NSD2: variants seen among roughly 807,000 people sequenced by gnomAD.
The protein encoded by NSD2 is histone-lysine N-methyltransferase NSD2.
Under a neutral mutation model 139.0 loss-of-function variants are expected in NSD2, and 12 were observed. The observed-to-expected ratio is 0.09, with a 90% CI of 0.06 to 0.14. NSD2 has a LOEUF of 0.14. NSD2 is among the 10% of genes least tolerant of loss of function. NSD2 has a pLI of 1.00. For missense variants in NSD2, 1,155 were observed against 1,745.0 expected (o/e 0.66, Z 6.02); for synonymous variants, 669 against 648.7 (o/e 1.03, Z -0.48).
At chr4:1,894,142 A>G (rs1470094575) in intron 1 of NSD2, among the ~76,000 whole-genome samples, 1 of 151,912 alleles carries the variant, frequency 6.6e-6, no homozygotes, top group Non-Finnish European at 1.5e-5. Context: ...TTTTTTGTAG[A>G]GACGGCGTCT....
In NSD2 at chr4:1,974,526, G is replaced by A. The variant is rs1726855101; in HGVS notation, c.3373-337G>A. On this transcript the variant is annotated intron_variant, in intron 18 of 21. Coordinates refer to ENST00000508803, the MANE Select transcript of NSD2 (RefSeq NM_001042424.3). This position sits in a 1 kb window ranked among gnomAD's most constrained non-coding sequence, Gnocchi z 4.0. ...ACTGCGCCCAGCCAGGGTGAGTCTT[G>A]TTCTTGTCCTTGAGTGCCACTTGGC... 2.3e-6 allele frequency: 1 copy of A among 438,866 alleles called. No homozygotes were observed. Among genetic ancestry groups the A allele is most frequent in the South Asian group, 1.9e-5 (1 of 52,512 alleles). The allele number at this position is 438,866 out of a possible 1,614,324, so 27.2% of individuals were successfully genotyped here.
chr4:1,923,726 A>G (rs1432476778), intron 5 of NSD2, among the ~76,000 whole-genome samples: 1 of 152,206 alleles, frequency 6.6e-6, no homozygotes, highest in Non-Finnish European at 1.5e-5. Flanking sequence ...TTTACCCTAG[A>G]GTAATTTTGC....
intron 8 of NSD2, among the ~76,000 whole-genome samples, chr4:1,938,948 A>C (rs2108893943): frequency 6.6e-6 from 1 of 152,342 alleles, no homozygotes; most frequent in Middle Eastern, 3.4e-3. Context: ...TATATTTCAC[A>C]TGCTAAAGAA....
intron 1 of NSD2, among the ~76,000 whole-genome samples, chr4:1,894,190 C>T (rs976269918): frequency 3.0e-4 from 45 of 152,136 alleles, no homozygotes; most frequent in Non-Finnish European, 5.9e-4. Context: ...CTCCTGACCT[C>T]GAGTGATCTT....
intron 18 of NSD2, among the ~76,000 whole-genome samples, chr4:1,971,589 G>A (rs535189603): frequency 6.6e-6 from 1 of 152,316 alleles, no homozygotes; most frequent in Non-Finnish European, 1.5e-5. Flanking sequence ...ATAGTGCCGT[G>A]TACTTTTCAG....
rs1723859776 is a variant in NSD2, at chr4:1,948,403, C to T, written c.1882-2669C>T. The T allele has an allele frequency of 1.7e-5, 18 of 1,066,214 alleles. No individual in the cohort carries two copies. Among genetic ancestry groups the T allele is most frequent in the Non-Finnish European group, 1.9e-5 (17 of 878,904 alleles). The allele number at this position is 1,066,214 out of a possible 1,614,324, so 66.0% of individuals were successfully genotyped here. A position where few individuals can be genotyped will look rare whatever the true frequency, so the allele number is the denominator to read the frequency against. Reference sequence around the variant, plus strand: ...ACAAATGGCTTCTCCGAGTGAGTCACGTCACCTGGTGCGTGGAGGTGGAGC... The same window carrying T: ...ACAAATGGCTTCTCCGAGTGAGTCATGTCACCTGGTGCGTGGAGGTGGAGC... On this transcript the variant is annotated intron_variant, in intron 9 of 21. Coordinates refer to ENST00000508803, the MANE Select transcript of NSD2 (RefSeq NM_001042424.3). This position sits in a 1 kb window ranked among gnomAD's most constrained non-coding sequence, Gnocchi z 4.5.
At chr4:1,943,076 T>A (rs932292932) in intron 9 of NSD2, 8 of 1,049,528 alleles carry the variant, frequency 7.6e-6, no homozygotes, top group Non-Finnish European at 9.2e-6. Flanking sequence ...TACACCAACC[T>A]CTGCATCAGT....
In NSD2 at chr4:1,871,492, C is replaced by A; in HGVS notation, c.-80C>A. The A allele has an allele frequency of 6.6e-6, 1 of 150,734 alleles. No homozygotes were observed. The highest frequency in any genetic ancestry group is 1.8e-4 in the South Asian group (1 of 5,600). The allele number at this position is 150,734 out of a possible 1,614,324, so 9.3% of individuals were successfully genotyped here. A position where few individuals can be genotyped will look rare whatever the true frequency, so the allele number is the denominator to read the frequency against. On this transcript the variant is annotated 5_prime_UTR_variant, in exon 1 of 22. Coordinates refer to ENST00000508803, the MANE Select transcript of NSD2 (RefSeq NM_001042424.3). Reference sequence around the variant, plus strand: ...TACCGCCGCACGGCCCCGGCCCCCTCCCAGCCTGCCGCTCCGGAGAGCCGC... The same window carrying A: ...TACCGCCGCACGGCCCCGGCCCCCTACCAGCCTGCCGCTCCGGAGAGCCGC...
chr4:1,901,378 A>G, intron 2 of NSD2, 127 bp downstream of exon 2: 2 of 839,434 alleles, frequency 2.4e-6, no homozygotes, highest in South Asian at 3.6e-5. Flanking sequence ...ACTTCCAGCC[A>G]CTTGCCTGAG....
At chr4:1,904,446 T>G in intron 3 of NSD2, 68 bp downstream of exon 3, 1 of 1,478,618 alleles carries the variant, frequency 6.8e-7, no homozygotes, top group Non-Finnish European at 9.1e-7. Flanking sequence ...TCTCCAGGCT[T>G]CTTTCTTACT....
At chr4:1,938,411 T>TC in intron 7 of NSD2, 40 bp from the exon 8 acceptor site, 1 of 1,164,564 alleles carries the variant, frequency 8.6e-7, no homozygotes, top group South Asian at 2.0e-5. Flanking sequence ...CTTTTTTTTT[T>TC]CTTTCTTTTT....
intron 3 of NSD2, among the ~76,000 whole-genome samples, chr4:1,912,972 A>G (rs1718872527): frequency 6.6e-6 from 1 of 152,226 alleles, no homozygotes; most frequent in Non-Finnish European, 1.5e-5. Context: ...AATAAAGAAA[A>G]TACTTAAAAT....
intron 9 of NSD2, chr4:1,944,433 C>T (rs989176177): frequency 1.3e-5 from 14 of 1,064,828 alleles, no homozygotes; most frequent in Middle Eastern, 4.2e-4. Flanking sequence ...TTTGAATTGC[C>T]GGTTGTTGAG....
At position 1,980,057 on chromosome 4, in the gene NSD2, T is replaced by G; in HGVS notation, c.*1148T>G. The G allele has an allele frequency of 4.3e-6, 1 of 232,646 alleles. No individual in the cohort carries two copies. Among genetic ancestry groups the G allele is most frequent in the Non-Finnish European group, 8.5e-6 (1 of 117,582 alleles). 14.4% of individuals were successfully genotyped at this position (232,646 alleles called of 1,614,324 possible). A position where few individuals can be genotyped will look rare whatever the true frequency, so the allele number is the denominator to read the frequency against. On this transcript the variant is annotated 3_prime_UTR_variant, in exon 22 of 22. Transcript: ENST00000508803. ...GAAGATGCAGTCTCTGCTGATCACA[T>G]GTGCCCTCTGCCAGGGCACCTACTG...
Position 1,965,051 on chromosome 4 carries a change from C to CAAAA in NSD2, c.3372+3921_3372+3924dup, listed in dbSNP as rs555374240. 3.8e-3 allele frequency among the ~76,000 whole-genome samples: 177 copies of CAAAA among 47,032 alleles called. 2 individuals are homozygous for CAAAA. Among genetic ancestry groups the CAAAA allele is most frequent in the East Asian group, 5.0e-3 (7 of 1,412 alleles). The allele number at this position is 47,032 out of a possible 152,430, so 30.9% of individuals were successfully genotyped here. On this transcript the variant is annotated intron_variant, in intron 18 of 21. Transcript: ENST00000508803. ...TAGACTTAACATGTCCAGTGTTCAG[C>CAAAA]AAAAAAAAAAAAAAAAAAAAAAAAG...
intron 1 of NSD2, among the ~76,000 whole-genome samples, chr4:1,888,857 C>CGG (rs1715318685): frequency 6.6e-6 from 1 of 151,592 alleles, no homozygotes; most frequent in Admixed American, 6.6e-5. Context: ...TGAGCCACCA[C>CGG]GCCTGGCTGC....
Position 1,978,918 on chromosome 4 carries a change from G to T in NSD2, c.*9G>T, listed in dbSNP as rs373762613. ...TCACAGAGGGCAAATAGCGCCAGGCGGCCGCTTGGCCGGATCCAGGGGCGG... is the reference window on the plus strand; with the variant it reads ...TCACAGAGGGCAAATAGCGCCAGGCTGCCGCTTGGCCGGATCCAGGGGCGG... On this transcript the variant is annotated 3_prime_UTR_variant, in exon 22 of 22. Coordinates refer to ENST00000508803, the MANE Select transcript of NSD2 (RefSeq NM_001042424.3). 2.0e-6 allele frequency: 3 copies of T among 1,488,288 alleles called. No homozygotes were observed. The highest frequency in any genetic ancestry group is 1.4e-5 in the African/African-American group (1 of 71,260). 92.2% of individuals were successfully genotyped at this position (1,488,288 alleles called of 1,614,324 possible).
chr4:1,950,102 C>T (rs1343543902), intron 9 of NSD2, among the ~76,000 whole-genome samples: 1 of 152,186 alleles, frequency 6.6e-6, no homozygotes, highest in Non-Finnish European at 1.5e-5. Flanking sequence ...ACTTATTTAC[C>T]TAACATCAAA....
Position 1,873,959 on chromosome 4 carries a change from G to A in NSD2, c.-30+2417G>A, listed in dbSNP as rs1027617324. On this transcript the variant is annotated intron_variant, in intron 1 of 21. Coordinates refer to ENST00000508803, the MANE Select transcript of NSD2 (RefSeq NM_001042424.3). The stretch of plus-strand genomic sequence containing the variant: ...GTGCACTTCAGTCCCAAACTCTTGG[G>A]CTCAAGTGATTCTCCCGCCTCAGCC... 4.6e-5 allele frequency among the ~76,000 whole-genome samples: 7 copies of A among 152,130 alleles called. No individual in the cohort carries two copies. The East Asian group carries it at 1.2e-3, about 25-fold the overall frequency.
Sources: gnomAD v4.1 joint callset for allele counts (sites outside exome capture counted in the v4.1 genomes callset) on GRCh38, gnomAD v4.1.1 for gene constraint, Gnocchi (gnomAD v3.1) non-coding constraint, MANE v1.5 for transcripts, NCBI Gene and HGNC (gene_info 2026-07-23, HGNC 2026-07-21) for gene names.